Variants in APCDD1 observed in about 807,000 individuals in gnomAD.
APCDD1 encodes APC down-regulated 1, also known as protein APCDD1.
Under a neutral mutation model 38.1 loss-of-function variants are expected in APCDD1, and 15 were observed. The ratio of observed to expected loss-of-function variants is 0.39; its 90% CI spans 0.26 to 0.61. The LOEUF is 0.61. Among genes scored for constraint, APCDD1 ranks in the 20% least tolerant of loss-of-function variants. The pLI is 0.49. For synonymous variants in APCDD1, 261 were observed against 279.7 expected (o/e 0.93, Z 0.67); for missense variants, 647 against 696.2 (o/e 0.93, Z 0.79).
intron 1 of APCDD1, among the ~76,000 whole-genome samples, chr18:10,466,260 T>C (rs1345654360): frequency 3.3e-5 from 5 of 152,198 alleles, no homozygotes; most frequent in African/African-American, 1.2e-4. Flanking sequence ...ACTACAACTG[T>C]TGAGGCTGGC....
chr18:10,484,340 C>T (rs1436382171), intron 3 of APCDD1, among the ~76,000 whole-genome samples: 1 of 152,220 alleles, frequency 6.6e-6, no homozygotes, highest in Non-Finnish European at 1.5e-5. Flanking sequence ...CTACACAACT[C>T]CATTTCATCC....
intron 1 of APCDD1, 49 bp from the exon 2 acceptor site, chr18:10,468,420 G>A (rs1204747243): frequency 1.2e-6 from 2 of 1,603,844 alleles, no homozygotes; most frequent in Non-Finnish European, 1.7e-6. Context: ...CCTGATTCAT[G>A]TCTGCTGCTA....
chr18:10,458,500 A>G (rs149230738), intron 1 of APCDD1, among the ~76,000 whole-genome samples: 268 of 152,340 alleles, frequency 1.8e-3, no homozygotes, highest in African/African-American at 5.8e-3. Context: ...ATAAAAAGAA[A>G]ATGAAGTCTT....
chr18:10,482,339 T>G (rs1055589566), intron 3 of APCDD1, among the ~76,000 whole-genome samples: 3 of 152,074 alleles, frequency 2.0e-5, no homozygotes, highest in African/African-American at 7.2e-5. Flanking sequence ...AGAGGGGAGC[T>G]GAAGGCTGGG....
In APCDD1 at chr18:10,489,755, T is replaced by C. The variant is rs2031330224; in HGVS notation, c.*1717T>C. 1 of 151,972 alleles carries C rather than the reference T, an allele frequency of 6.6e-6. No individual in the cohort carries two copies. The highest frequency in any genetic ancestry group is 1.5e-5 in the Non-Finnish European group (1 of 68,014). The allele number at this position is 151,972 out of a possible 1,614,324, so 9.4% of individuals were successfully genotyped here. A position where few individuals can be genotyped will look rare whatever the true frequency, so the allele number is the denominator to read the frequency against. ...CACAGCATTCAGTGTGGCATTAAGT[T>C]ACAACGACCACATAGAGTACCAAAG... On this transcript the variant is annotated 3_prime_UTR_variant, in exon 5 of 5. Transcript: ENST00000355285.
Position 10,470,200 on chromosome 18 carries a change from G to A in APCDD1, c.243-1330G>A, listed in dbSNP as rs984235953. On this transcript the variant is annotated intron_variant, in intron 2 of 4. Coordinates refer to ENST00000355285, the MANE Select transcript of APCDD1 (RefSeq NM_153000.5). This position sits in a 1 kb window ranked among gnomAD's most constrained non-coding sequence, Gnocchi z 4.1. ...GCCTGAGATCCACTGTACGTGGCAG[G>A]CAGAATCAACAGACTGTTGATGCTT... is the stretch of plus-strand genomic sequence containing the variant. Among the ~76,000 whole-genome samples, 1 of 152,180 alleles carries A rather than the reference G, an allele frequency of 6.6e-6. No homozygotes were observed. Among genetic ancestry groups the A allele is most frequent in the Non-Finnish European group, 1.5e-5 (1 of 68,028 alleles).
At chr18:10,486,934 G>A (rs2031261047) in intron 4 of APCDD1, among the ~76,000 whole-genome samples, 1 of 152,196 alleles carries the variant, frequency 6.6e-6, no homozygotes, top group Non-Finnish European at 1.5e-5. Context: ...TTAATTGAAA[G>A]CAAGCAATCT....
chr18:10,478,981 G>C (rs2031072723), intron 3 of APCDD1, among the ~76,000 whole-genome samples: 1 of 152,186 alleles, frequency 6.6e-6, no homozygotes, highest in South Asian at 2.1e-4. Flanking sequence ...TCCAATGCCA[G>C]CTTTCTCTCC....
At position 10,468,406 on chromosome 18, in the gene APCDD1, T is replaced by G; in HGVS notation, c.59-63T>G. The G allele has an allele frequency of 4.5e-6, 7 of 1,569,502 alleles. No homozygotes were observed. The South Asian group carries it at 7.8e-5, about 17-fold the overall frequency. ...CACTGTCTGCTGCAGAGGTGGTTGTTTGGCCTGATTCATGTCTGCTGCTAC... is the reference window on the plus strand; with the variant it reads ...CACTGTCTGCTGCAGAGGTGGTTGTGTGGCCTGATTCATGTCTGCTGCTAC... On this transcript the variant is annotated intron_variant, in intron 1 of 4. Coordinates refer to ENST00000355285, the MANE Select transcript of APCDD1 (RefSeq NM_153000.5).
chr18:10,464,225 C>G (rs2030644203), intron 1 of APCDD1, among the ~76,000 whole-genome samples: 1 of 151,896 alleles, frequency 6.6e-6, no homozygotes, highest in African/African-American at 2.4e-5. Context: ...TTTGAACTCC[C>G]TAACTTCCTT....
intron 1 of APCDD1, among the ~76,000 whole-genome samples, chr18:10,460,135 TAGATC>T (rs1273149910): frequency 5.3e-5 from 8 of 152,362 alleles, no homozygotes; most frequent in Admixed American, 4.6e-4. Flanking sequence ...ATGTGTAAAA[TAGATC>T]AGAACTTTTG....
At chr18:10,465,793 C>A (rs761253210) in intron 1 of APCDD1, among the ~76,000 whole-genome samples, 2 of 152,194 alleles carry the variant, frequency 1.3e-5, no homozygotes, top group African/African-American at 4.8e-5. Context: ...GGCATCATAT[C>A]ATTGTGTAAA....
chr18:10,473,485 C>T (rs547329698), intron 3 of APCDD1, among the ~76,000 whole-genome samples: 177 of 152,286 alleles, frequency 1.2e-3, no homozygotes, highest in African/African-American at 4.2e-3. Context: ...CTGAAGAGGC[C>T]AACATGAATT....
rs1270573506 is a variant in APCDD1 at position 10,472,689 on chromosome 18, C to T, written c.774+628C>T. Among the ~76,000 whole-genome samples the T allele has an allele frequency of 6.6e-6, 1 of 152,224 alleles. No homozygotes were observed. The highest frequency in any genetic ancestry group is 1.9e-4 in the East Asian group (1 of 5,202). On this transcript the variant is annotated intron_variant, in intron 3 of 4. Coordinates refer to ENST00000355285, the MANE Select transcript of APCDD1 (RefSeq NM_153000.5). This position sits in a 1 kb window ranked among gnomAD's most constrained non-coding sequence, Gnocchi z 6.6. ...AGTCCAAAGGTCCTTCCTCCATACC[C>T]CACGTTCTTTTCATTTCACTAAGGA...
rs2143562813 is a variant in APCDD1, at chr18:10,485,062, C to T, written c.775-400C>T. The stretch of plus-strand genomic sequence containing the variant: ...CTGGACCATTGTATATTCTCATCAG[C>T]TGTGTTTAAGGGTTCCAATTTCTTC... On this transcript the variant is annotated intron_variant, in intron 3 of 4. Transcript: ENST00000355285. This position sits in a 1 kb window ranked among gnomAD's most constrained non-coding sequence, Gnocchi z 5.8. Among the ~76,000 whole-genome samples, 1 of 152,230 alleles carries T rather than the reference C, an allele frequency of 6.6e-6. No individual in the cohort carries two copies. Among genetic ancestry groups the T allele is most frequent in the African/African-American group, 2.4e-5 (1 of 41,536 alleles).
In APCDD1 at chr18:10,487,475, T is replaced by A. The variant is rs551478804; in HGVS notation, c.1097-115T>A. 1.7e-5 allele frequency: 18 copies of A among 1,060,198 alleles called. No homozygotes were observed. The South Asian group carries it at 2.2e-4, about 13-fold the overall frequency. The allele number at this position is 1,060,198 out of a possible 1,614,324, so 65.7% of individuals were successfully genotyped here. On this transcript the variant is annotated intron_variant, in intron 4 of 4. Coordinates refer to ENST00000355285, the MANE Select transcript of APCDD1 (RefSeq NM_153000.5). ...AGATGGGTGGGTCTGTAGGTGGGAT[T>A]GTTTTTGGAAAAGAAAGCCTTGTCT...
chr18:10,468,395 G>T, intron 1 of APCDD1, 74 bp from the exon 2 acceptor site: 1 of 1,475,738 alleles, frequency 6.8e-7, no homozygotes, highest in Non-Finnish European at 9.5e-7. Context: ...GTCTGCTGCA[G>T]AGGTGGTTGT....
rs1439451253 is a variant in APCDD1 at position 10,467,100 on chromosome 18, T to C, written c.59-1369T>C. 6.6e-6 allele frequency among the ~76,000 whole-genome samples: 1 copy of C among 152,224 alleles called. No homozygotes were observed. The highest frequency in any genetic ancestry group is 6.5e-5 in the Admixed American group (1 of 15,284). Reference sequence around the variant, plus strand: ...TCCATCAAAAACTAGTTTAGTCTTTTGAATGTTTTGTCCACATGATGGTAA... The same window carrying C: ...TCCATCAAAAACTAGTTTAGTCTTTCGAATGTTTTGTCCACATGATGGTAA... On this transcript the variant is annotated intron_variant, in intron 1 of 4. Coordinates refer to ENST00000355285, the MANE Select transcript of APCDD1 (RefSeq NM_153000.5). The surrounding 1 kb of genome is among the most constrained non-coding windows in gnomAD (Gnocchi z 4.8).
Position 10,475,478 on chromosome 18 carries a change from G to T in APCDD1, c.774+3417G>T, listed in dbSNP as rs927792616. On this transcript the variant is annotated intron_variant, in intron 3 of 4. Transcript: ENST00000355285. This position sits in a 1 kb window ranked among gnomAD's most constrained non-coding sequence, Gnocchi z 4.0. ...ATCTGCATAAAACTAATAATGAAAG[G>T]AGAAGAAGAGGGACTCTTTGCAAAG... is the stretch of plus-strand genomic sequence containing the variant. Among the ~76,000 whole-genome samples the T allele has an allele frequency of 2.0e-5, 3 of 152,148 alleles. No individual in the cohort carries two copies. The highest frequency in any genetic ancestry group is 7.2e-5 in the African/African-American group (3 of 41,426).
Sources: allele counts gnomAD v4.1 joint callset (sites outside exome capture counted in the v4.1 genomes callset), GRCh38; gene constraint gnomAD v4.1.1; non-coding constraint Gnocchi (gnomAD v3.1); transcripts MANE v1.5; gene names NCBI Gene and HGNC (gene_info 2026-07-23, HGNC 2026-07-21).